The following MYO16 variants were observed in gnomAD, a reference collection of about 807,000 sequenced individuals.
MYO16 encodes the protein unconventional myosin-XVI.
Under a neutral mutation model 205.3 loss-of-function variants are expected in MYO16, and 94 were observed. The ratio of observed to expected loss-of-function variants is 0.46; its 90% CI spans 0.39 to 0.54. The LOEUF (loss-of-function observed/expected upper bound fraction) is 0.54, where lower values mean the gene tolerates loss of function less well. Ranked by LOEUF, MYO16 falls within the 20% of genes least tolerant of loss-of-function variation. MYO16 has a pLI of 0.00. For synonymous variants in MYO16, 988 were observed against 954.0 expected, an observed-to-expected ratio of 1.04 and a Z score of -0.66; for missense variants, 2,315 against 2,387.5, an observed-to-expected ratio of 0.97 and a Z score of 0.63.
chr13:109,196,143 T>A (rs553623649), intron 34 of MYO16, among the ~76,000 whole-genome samples: 9 of 152,196 alleles, frequency 5.9e-5, no homozygotes, highest in Non-Finnish European at 1.2e-4. Flanking sequence ...CATCTTCTTA[T>A]CTAATTGATG....
At chr13:109,191,384 A>G (rs993688595) in intron 34 of MYO16, among the ~76,000 whole-genome samples, 1 of 152,166 alleles carries the variant, frequency 6.6e-6, no homozygotes, top group African/African-American at 2.4e-5. Flanking sequence ...AAAATAGGCA[A>G]TATTTAAGTA....
chr13:108,880,919 T>C (rs920757550), intron 12 of MYO16, among the ~76,000 whole-genome samples: 3 of 152,206 alleles, frequency 2.0e-5, no homozygotes, highest in Non-Finnish European at 4.4e-5. Context: ...GGTAGCTTGA[T>C]GAAGATGGCA....
At chr13:108,695,697 A>G (rs1187104588) in intron 2 of MYO16, among the ~76,000 whole-genome samples, 2 of 152,326 alleles carry the variant, frequency 1.3e-5, no homozygotes, top group Admixed American at 6.5e-5. Flanking sequence ...GTTAGTACTC[A>G]TTATTTTAAC....
rs562436452 is a variant in MYO16 at position 108,603,146 on chromosome 13, C to T, written c.-39+6907C>T. Among the ~76,000 whole-genome samples the T allele has an allele frequency of 2.4e-3, 363 of 152,220 alleles. 2 individuals are homozygous for T. The highest frequency in any genetic ancestry group is 8.3e-3 in the African/African-American group (345 of 41,520). On this transcript the variant is annotated intron_variant, in intron 1 of 24. Transcript: ENST00000251041. ...TTGAGATATCATGAAACACACATCTCGCCTAAAAACCAACTGAGAATTAGA... is the reference window on the plus strand; with the variant it reads ...TTGAGATATCATGAAACACACATCTTGCCTAAAAACCAACTGAGAATTAGA...
intron 27 of MYO16, among the ~76,000 whole-genome samples, chr13:109,058,089 C>T (rs1350130593): frequency 5.9e-5 from 9 of 152,072 alleles, no homozygotes; most frequent in Admixed American, 3.3e-4. Flanking sequence ...GTAGGTCTAG[C>T]GGAGGCCTGT....
At chr13:108,908,648 G>C (rs1440119504) in intron 15 of MYO16, among the ~76,000 whole-genome samples, 1 of 152,094 alleles carries the variant, frequency 6.6e-6, no homozygotes, top group Non-Finnish European at 1.5e-5. Context: ...ACTTCAAAGA[G>C]GAAAACTGTA....
intron 1 of MYO16, among the ~76,000 whole-genome samples, chr13:108,631,764 T>C (rs1364550894): frequency 2.0e-5 from 3 of 152,162 alleles, no homozygotes; most frequent in Non-Finnish European, 4.4e-5. Flanking sequence ...TCTTGAGCTA[T>C]ATCTTGGAAG....
chr13:108,797,508 A>G (rs536667624), intron 6 of MYO16, among the ~76,000 whole-genome samples: 6 of 152,222 alleles, frequency 3.9e-5, no homozygotes, highest in Non-Finnish European at 5.9e-5. Context: ...CTCGGAACCA[A>G]GTGAAAACTT....
At chr13:109,095,475 C>G (rs558431542) in intron 27 of MYO16, among the ~76,000 whole-genome samples, 52 of 152,096 alleles carry the variant, frequency 3.4e-4, no homozygotes, top group Non-Finnish European at 6.0e-4. Flanking sequence ...ACTCATATTC[C>G]AAAAGACAAG....
intron 32 of MYO16, among the ~76,000 whole-genome samples, chr13:109,160,572 C>T (rs1258181039): frequency 6.6e-6 from 1 of 152,174 alleles, no homozygotes; most frequent in African/African-American, 2.4e-5. Flanking sequence ...CTGAACTACA[C>T]AACCCCTTAC....
intron 23 of MYO16, among the ~76,000 whole-genome samples, chr13:109,043,746 G>T (rs1161723354): frequency 6.6e-6 from 1 of 152,130 alleles, no homozygotes; most frequent in Non-Finnish European, 1.5e-5. Flanking sequence ...GAGCCGTCCT[G>T]GGGGAGGGGA....
At chr13:108,586,544 G>A in the MYO16 span, among the ~76,000 whole-genome samples, 1 of 152,188 alleles carries the variant, frequency 6.6e-6, no homozygotes, top group African/African-American at 2.4e-5. Flanking sequence ...CTTCCCTGGA[G>A]ATGAAGGCAG....
chr13:108,882,951 G>A, intron 12 of MYO16, 108 bp from the exon 13 acceptor site: 1 of 1,395,128 alleles, frequency 7.2e-7, no homozygotes, highest in Non-Finnish European at 9.7e-7. Flanking sequence ...TCAGAATTAG[G>A]GATTCATTCA....
intron 1 of MYO16, among the ~76,000 whole-genome samples, chr13:108,612,670 G>A (rs1879217726): frequency 6.6e-6 from 1 of 151,954 alleles, no homozygotes; most frequent in Non-Finnish European, 1.5e-5. Context: ...ACAAAGGGAG[G>A]CTCAGAGGAA....
At chr13:108,502,592 A>C in the MYO16 span, among the ~76,000 whole-genome samples, 2 of 152,206 alleles carry the variant, frequency 1.3e-5, no homozygotes, top group Non-Finnish European at 2.9e-5. Context: ...AAATTAGTTG[A>C]TATTTTAAAA....
At chr13:108,600,394 A>G (rs570497946) in intron 1 of MYO16, among the ~76,000 whole-genome samples, 5 of 152,298 alleles carry the variant, frequency 3.3e-5, no homozygotes, top group East Asian at 3.9e-4. Context: ...AAATAACACA[A>G]TGCATCAAAG....
chr13:108,771,149 G>A (rs1885949332), intron 4 of MYO16, among the ~76,000 whole-genome samples: 1 of 152,146 alleles, frequency 6.6e-6, no homozygotes, highest in Non-Finnish European at 1.5e-5. Context: ...AGGGCGTAGA[G>A]GATAGTTCTC....
chr13:109,054,246 T>G (rs548966788), intron 25 of MYO16: 1 of 291,912 alleles, frequency 3.4e-6, no homozygotes, highest in Non-Finnish European at 7.0e-6. Context: ...CTTTTTCTTT[T>G]CAGGGCTGCA....
intron 6 of MYO16, among the ~76,000 whole-genome samples, chr13:108,805,926 A>AAATAAATAAATAAATAAATG (rs1165059616): frequency 5.2e-5 from 1 of 19,258 alleles, no homozygotes; most frequent in East Asian, 0.012. Context: ...GTCTCTACCA[A>AAATAAATAAATAAATAAATG]AATAAATAAA....
Sources: gnomAD v4.1 joint callset for allele counts (sites outside exome capture counted in the v4.1 genomes callset) on GRCh38, gnomAD v4.1.1 for gene constraint, MANE v1.5 for transcripts, NCBI Gene and HGNC (gene_info 2026-07-23, HGNC 2026-07-21) for gene names.